The following RHBDD1 variants were observed in gnomAD, a reference collection of about 807,000 sequenced individuals.
RHBDD1 encodes rhomboid domain containing 1, also known as rhomboid-related protein 4.
RHBDD1 carries 38 observed loss-of-function variants against 36.3 expected under a neutral mutation model. That is an observed-to-expected ratio of 1.05 (90% CI 0.81 to 1.37). The LOEUF (loss-of-function observed/expected upper bound fraction) is 1.37. RHBDD1 is among the 40% of genes most tolerant of loss of function. The probability of loss-of-function intolerance (pLI) is 0.00; values close to 1 mark genes in which losing one functional copy is unlikely to be tolerated. For missense variants in RHBDD1, 393 were observed against 377.6 expected (o/e 1.04, Z -0.34); for synonymous variants, 151 against 136.5 (o/e 1.11, Z -0.74).
intron 2 of RHBDD1, among the ~76,000 whole-genome samples, chr2:226,838,360 A>AT (rs1025307592): frequency 9.9e-5 from 15 of 151,712 alleles, no homozygotes; most frequent in African/African-American, 2.7e-4. Context: ...GGCATTAAAT[A>AT]TTTTTTTTTG....
At chr2:226,926,150 C>T (rs368279660) in intron 8 of RHBDD1, among the ~76,000 whole-genome samples, 7 of 150,624 alleles carry the variant, frequency 4.6e-5, no homozygotes, top group East Asian at 3.9e-4. Context: ...GAGGCCGAGG[C>T]GGGTGGATCA....
the RHBDD1 span, among the ~76,000 whole-genome samples, chr2:226,825,434 T>C: frequency 2.6e-5 from 4 of 152,194 alleles, no homozygotes; most frequent in Non-Finnish European, 5.9e-5. Context: ...TGGACAGCTG[T>C]AAACCAAATT....
At chr2:226,840,081 T>A (rs1941441153) in intron 3 of RHBDD1, among the ~76,000 whole-genome samples, 1 of 152,246 alleles carries the variant, frequency 6.6e-6, no homozygotes, top group Admixed American at 6.5e-5. Context: ...AGATTGTTAC[T>A]AATAGTGGTA....
At chr2:226,953,119 T>C (rs930631386) in intron 8 of RHBDD1, among the ~76,000 whole-genome samples, 4 of 152,236 alleles carry the variant, frequency 2.6e-5, no homozygotes, top group African/African-American at 9.6e-5. Context: ...GTCTTTACTT[T>C]TGAGGAATGT....
At chr2:226,840,224 G>T (rs565360453) in intron 3 of RHBDD1, among the ~76,000 whole-genome samples, 1 of 152,244 alleles carries the variant, frequency 6.6e-6, no homozygotes, top group South Asian at 2.1e-4. Flanking sequence ...ATATTTCAAA[G>T]CCCATAGATA....
chr2:226,942,474 C>A, intron 8 of RHBDD1: 1 of 300,846 alleles, frequency 3.3e-6, no homozygotes, highest in South Asian at 2.6e-5. Context: ...CTCCTGACCT[C>A]ATGATCCACC....
At chr2:226,848,718 G>A (rs1322168194) in intron 3 of RHBDD1, among the ~76,000 whole-genome samples, 6 of 152,178 alleles carry the variant, frequency 3.9e-5, no homozygotes, top group Non-Finnish European at 7.3e-5. Context: ...GACTCTGAGT[G>A]TAGACTAGCT....
Position 226,996,470 on chromosome 2 carries a change from C to CT in RHBDD1, c.*949dup, listed in dbSNP as rs1224468318. 1 of 152,248 alleles carries CT rather than the reference C, an allele frequency of 6.6e-6. No individual in the cohort carries two copies. The highest frequency in any genetic ancestry group is 1.5e-5 in the Non-Finnish European group (1 of 68,044). 9.4% of individuals were successfully genotyped at this position (152,248 alleles called of 1,614,324 possible). On this transcript the variant is annotated 3_prime_UTR_variant, in exon 9 of 9. Coordinates refer to ENST00000392062, the MANE Select transcript of RHBDD1 (RefSeq NM_001167608.3). ...ACGTTACAATCCACAGATTGTCTGT[C>CT]TGAGTCGTTTAAGGCATTTCCTGGT...
chr2:226,943,007 C>T (rs1270725720), intron 8 of RHBDD1, among the ~76,000 whole-genome samples: 2 of 152,158 alleles, frequency 1.3e-5, no homozygotes, highest in East Asian at 3.9e-4. Flanking sequence ...ACCCATTCTC[C>T]CATCCATTAT....
chr2:226,845,617 T>G (rs540695626), intron 3 of RHBDD1, among the ~76,000 whole-genome samples: 7 of 152,354 alleles, frequency 4.6e-5, no homozygotes, highest in African/African-American at 1.4e-4. Flanking sequence ...TAAAATGTGT[T>G]GTATTATCCA....
rs897064384 is a variant in RHBDD1 at position 226,996,562 on chromosome 2, T to C, written c.*1040T>C. On this transcript the variant is annotated 3_prime_UTR_variant, in exon 9 of 9. Coordinates refer to ENST00000392062, the MANE Select transcript of RHBDD1 (RefSeq NM_001167608.3). Reference sequence around the variant, plus strand: ...TGATGTCTTACTGTCAACAGAGATATTTTAAAAGAGAGAAGCAGGAAAAGA... The same window carrying C: ...TGATGTCTTACTGTCAACAGAGATACTTTAAAAGAGAGAAGCAGGAAAAGA... 1.3e-5 allele frequency: 2 copies of C among 152,222 alleles called. No homozygotes were observed. Among genetic ancestry groups the C allele is most frequent in the African/African-American group, 4.8e-5 (2 of 41,456 alleles). The allele number at this position is 152,222 out of a possible 1,614,324, so 9.4% of individuals were successfully genotyped here. A position where few individuals can be genotyped will look rare whatever the true frequency, so the allele number is the denominator to read the frequency against.
chr2:226,826,614 G>T, the RHBDD1 span, among the ~76,000 whole-genome samples: 1 of 148,216 alleles, frequency 6.7e-6, no homozygotes, highest in Non-Finnish European at 1.5e-5. Flanking sequence ...TCCACCTCCT[G>T]GGTTCAAGCA....
intron 8 of RHBDD1, chr2:226,935,385 A>T (rs889868207): frequency 1.3e-5 from 2 of 152,148 alleles, no homozygotes; most frequent in African/African-American, 4.8e-5. Context: ...AATTTATTTA[A>T]TTAAGTTGTA....
chr2:226,922,308 C>T (rs1289668738), intron 8 of RHBDD1, among the ~76,000 whole-genome samples: 4 of 147,856 alleles, frequency 2.7e-5, no homozygotes, highest in Non-Finnish European at 4.5e-5. Flanking sequence ...CCCGGGTTCA[C>T]GCCATTCTCC....
chr2:226,831,472 G>A (rs1940739830), upstream of RHBDD1, among the ~76,000 whole-genome samples: 1 of 152,174 alleles, frequency 6.6e-6, no homozygotes, highest in African/African-American at 2.4e-5. Context: ...AGGCACGTGA[G>A]GGAACAGCAC....
intron 8 of RHBDD1, among the ~76,000 whole-genome samples, chr2:226,978,678 G>A (rs1234571094): frequency 6.6e-6 from 1 of 152,184 alleles, no homozygotes; most frequent in Non-Finnish European, 1.5e-5. Flanking sequence ...AATGCACGCT[G>A]TCAAAATGAT....
upstream of RHBDD1, chr2:226,835,915 G>A (rs900700172): frequency 6.6e-6 from 1 of 152,448 alleles, no homozygotes; most frequent in Non-Finnish European, 1.5e-5. Context: ...GCGGTCTGCA[G>A]ACAGCAGAGC....
At chr2:226,898,555 A>T (rs182634260) in intron 5 of RHBDD1, among the ~76,000 whole-genome samples, 36 of 152,278 alleles carry the variant, frequency 2.4e-4, no homozygotes, top group Admixed American at 2.1e-3. Context: ...GGAGCAAGGG[A>T]TGCATGGTAG....
At chr2:226,834,410 A>G (rs577111501), upstream of RHBDD1, among the ~76,000 whole-genome samples, 1 of 152,250 alleles carries the variant, frequency 6.6e-6, no homozygotes, top group Non-Finnish European at 1.5e-5. Flanking sequence ...TTGTCAGTTG[A>G]GCTTTTGGAG....
Sources: gnomAD v4.1 joint callset for allele counts (sites outside exome capture counted in the v4.1 genomes callset) on GRCh38, gnomAD v4.1.1 for gene constraint, MANE v1.5 for transcripts, NCBI Gene and HGNC (gene_info 2026-07-23, HGNC 2026-07-21) for gene names.